WASHC4: variants seen among roughly 807,000 people sequenced by gnomAD.
WASHC4 encodes the protein WASH complex subunit 7.
In WASHC4, 86 loss-of-function variants were observed where a neutral mutation model predicts 166.6. That is an observed-to-expected ratio of 0.52 (90% CI 0.43 to 0.62). WASHC4 has a LOEUF of 0.62. Ranked by LOEUF, WASHC4 falls within the 20% of genes least tolerant of loss-of-function variation. The pLI is 0.00. For synonymous variants in WASHC4, 446 were observed against 451.6 expected (o/e 0.99, Z 0.16); for missense variants, 1,262 against 1,382.4 (o/e 0.91, Z 1.38).
rs77679691 is a variant in WASHC4, at chr12:105,130,376, C to G, written c.1199+3087C>G. Among the ~76,000 whole-genome samples, 909 of 152,298 alleles carry G rather than the reference C, an allele frequency of 6.0e-3. 18 individuals are homozygous for G. Among genetic ancestry groups the G allele is most frequent in the African/African-American group, 0.021 (859 of 41,564 alleles). Reference sequence around the variant, plus strand: ...ATATAGATAACTGTCAGTCCAAGATCTGTGGGAAGTGAGTCTTACTAAGTG... The same window carrying G: ...ATATAGATAACTGTCAGTCCAAGATGTGTGGGAAGTGAGTCTTACTAAGTG... On this transcript the variant is annotated intron_variant, in intron 13 of 32. Transcript: ENST00000332180.
chr12:105,151,284 C>A (rs1883755348), intron 25 of WASHC4, among the ~76,000 whole-genome samples: 1 of 151,904 alleles, frequency 6.6e-6, no homozygotes, highest in Admixed American at 6.6e-5. Context: ...GGATTGAGAA[C>A]CAACAGGCTT....
At chr12:105,149,054 C>T in intron 24 of WASHC4, 3 of 979,688 alleles carry the variant, frequency 3.1e-6, no homozygotes, top group Non-Finnish European at 3.6e-6. Context: ...AAATGTTTGT[C>T]ACCTGTTCTA....
At chr12:105,117,178 A>G (rs186622406) in intron 6 of WASHC4, among the ~76,000 whole-genome samples, 1 of 152,332 alleles carries the variant, frequency 6.6e-6, no homozygotes, top group Non-Finnish European at 1.5e-5. Flanking sequence ...TTACATGCAT[A>G]GCAATTTACT....
At chr12:105,127,890 T>A (rs1291112603) in intron 13 of WASHC4, among the ~76,000 whole-genome samples, 6 of 152,190 alleles carry the variant, frequency 3.9e-5, no homozygotes, top group Non-Finnish European at 7.3e-5. Flanking sequence ...GTGTAAATTT[T>A]CAAATATACG....
chr12:105,159,184 C>T (rs926366148), intron 28 of WASHC4, among the ~76,000 whole-genome samples: 1 of 152,078 alleles, frequency 6.6e-6, no homozygotes, highest in Admixed American at 6.5e-5. Context: ...CCATTCACTC[C>T]GAAAGTGTTG....
In WASHC4 at chr12:105,156,805, ACAT is replaced by A. The variant is rs1419254518; in HGVS notation, c.2825+17_2825+19del. ...GCAATGCCATTAGGTATGGATGCAA[ACAT>A]CATTTTTGCCTTGTTTATGCCATTT... is the stretch of plus-strand genomic sequence containing the variant. On this transcript the variant is annotated intron_variant, in intron 27 of 32. Coordinates refer to ENST00000332180, the MANE Select transcript of WASHC4 (RefSeq NM_015275.3). The A allele has an allele frequency of 2.5e-6, 4 of 1,605,940 alleles. No homozygotes were observed. The highest frequency in any genetic ancestry group is 3.3e-5 in the Admixed American group (2 of 59,962).
intron 13 of WASHC4, among the ~76,000 whole-genome samples, chr12:105,133,568 G>T (rs1215993656): frequency 6.6e-6 from 1 of 152,068 alleles, no homozygotes; most frequent in Non-Finnish European, 1.5e-5. Context: ...TGATTTCACT[G>T]TTGTATTCTC....
rs1566032891 is a variant in WASHC4 at position 105,164,103 on chromosome 12, GC to G, written c.3158-6del. 1 of 1,613,924 alleles carries G rather than the reference GC, an allele frequency of 6.2e-7. No individual in the cohort carries two copies. On this transcript the variant is annotated splice_region_variant and splice_polypyrimidine_tract_variant and intron_variant, in intron 30 of 32. Coordinates refer to ENST00000332180, the MANE Select transcript of WASHC4 (RefSeq NM_015275.3). ...GTAATTTAACCTTAGTTTTGCTTAT[GC>G]CTGCAGGTGTGGCTTACATTCTAAA... is the stretch of plus-strand genomic sequence containing the variant.
At chr12:105,166,237 G>C (rs1021556700) in intron 32 of WASHC4, among the ~76,000 whole-genome samples, 1 of 152,132 alleles carries the variant, frequency 6.6e-6, no homozygotes, top group Non-Finnish European at 1.5e-5. Flanking sequence ...GATATAGTCA[G>C]TTTCTGAATA....
rs183820808 is a variant in WASHC4, at chr12:105,159,956, C to T, written c.2913-45C>T. The T allele has an allele frequency of 3.2e-6, 5 of 1,584,072 alleles. No homozygotes were observed. The Admixed American group carries it at 5.0e-5, about 16-fold the overall frequency. The stretch of plus-strand genomic sequence containing the variant: ...TTGAGAGATGGATTTTTTTCAAAGC[C>T]ACGCTTCTTTTGAGAAAGGAACCAA... On this transcript the variant is annotated intron_variant, in intron 28 of 32. Coordinates refer to ENST00000332180, the MANE Select transcript of WASHC4 (RefSeq NM_015275.3).
At chr12:105,129,415 T>TA (rs1398874006) in intron 13 of WASHC4, among the ~76,000 whole-genome samples, 7 of 152,224 alleles carry the variant, frequency 4.6e-5, no homozygotes. Flanking sequence ...TTTTTATTTT[T>TA]AAACTTTTAA....
chr12:105,123,149 A>C lies in WASHC4; in HGVS notation c.786+911A>C, dbSNP rs541652378. Among the ~76,000 whole-genome samples, 9 of 152,286 alleles carry C rather than the reference A, an allele frequency of 5.9e-5. No homozygotes were observed. The East Asian group carries it at 1.7e-3, about 29-fold the overall frequency. On this transcript the variant is annotated intron_variant, in intron 10 of 32. Transcript: ENST00000332180. ...GCCAAGATGGTGAAACCTTCTCTCT[A>C]CTAAAAATGCAAAAATTAGTAAGGT... is the stretch of plus-strand genomic sequence containing the variant.
intron 15 of WASHC4, among the ~76,000 whole-genome samples, chr12:105,139,898 T>TG (rs1190684078): frequency 6.6e-6 from 1 of 151,874 alleles, no homozygotes; most frequent in Non-Finnish European, 1.5e-5. Context: ...TTTTTTTTTT[T>TG]TTTGAGACGG....
intron 26 of WASHC4, among the ~76,000 whole-genome samples, chr12:105,153,292 C>G (rs1351366014): frequency 6.6e-6 from 1 of 152,156 alleles, no homozygotes; most frequent in Non-Finnish European, 1.5e-5. Context: ...CTGTTAGGTG[C>G]TGGGAATACC....
intron 5 of WASHC4, 131 bp downstream of exon 5, chr12:105,115,360 T>C (rs1880080563): frequency 1.3e-6 from 1 of 751,386 alleles, no homozygotes; most frequent in South Asian, 1.6e-5. Flanking sequence ...TTTGTTGGTA[T>C]GTTTGGTAAA....
At chr12:105,163,080 C>T (rs1208555256) in intron 30 of WASHC4, among the ~76,000 whole-genome samples, 2 of 152,118 alleles carry the variant, frequency 1.3e-5, no homozygotes, top group East Asian at 1.9e-4. Context: ...CCTCAGCCTC[C>T]CGAGTAGCTG....
intron 16 of WASHC4, among the ~76,000 whole-genome samples, chr12:105,140,675 A>C (rs937142709): frequency 6.6e-6 from 1 of 152,162 alleles, no homozygotes; most frequent in Non-Finnish European, 1.5e-5. Flanking sequence ...TTTCTTAGTA[A>C]ATTAACATGG....
At chr12:105,133,704 CA>C in intron 13 of WASHC4, 65 bp from the exon 14 acceptor site, 1 of 1,295,864 alleles carries the variant, frequency 7.7e-7, no homozygotes, top group Non-Finnish European at 1.1e-6. Context: ...TAATGTACTG[CA>C]ATCAGTATCA....
At chr12:105,117,995 T>G (rs1880346541) in intron 6 of WASHC4, among the ~76,000 whole-genome samples, 3 of 152,234 alleles carry the variant, frequency 2.0e-5, no homozygotes, top group Non-Finnish European at 4.4e-5. Context: ...TTACAGTGAC[T>G]TCTGGAAACC....
Sources: allele counts gnomAD v4.1 joint callset (sites outside exome capture counted in the v4.1 genomes callset), GRCh38; gene constraint gnomAD v4.1.1; transcripts MANE v1.5; gene names NCBI Gene and HGNC (gene_info 2026-07-23, HGNC 2026-07-21).